The following CYLC1 variants were observed in gnomAD, a reference collection of about 807,000 sequenced individuals.
CYLC1 encodes cylicin-1.
CYLC1 carries 2 observed loss-of-function variants against 31.6 expected under a neutral mutation model. The ratio of observed to expected loss-of-function variants is 0.06; its 90% CI spans 0.03 to 0.20. The LOEUF is 0.20. Among genes scored for constraint, CYLC1 ranks in the 10% least tolerant of loss-of-function variants. CYLC1 has a pLI of 1.00. For missense variants in CYLC1, 595 were observed against 424.1 expected (o/e 1.40, Z -3.54); for synonymous variants, 185 against 153.0 (o/e 1.21, Z -1.54).
rs745723816 is a variant in CYLC1 at position 83,873,755 on chromosome X, G to A, written c.1047G>A (p.Lys349=). 1 of 1,188,401 alleles carries A rather than the reference G, an allele frequency of 8.4e-7. No homozygotes were observed. The highest frequency in any genetic ancestry group is 1.1e-6 in the Non-Finnish European group (1 of 882,590). The change falls in exon 4 of 5, where the codon AAG becomes AAA. Residue 349 remains lysine (K), a synonymous_variant. Transcript: ENST00000329312. The part of the protein sequence containing the change: ...DSKDERKDTK[K]DKKKLKKDDK... ...AGGATGAAAGGAAAGATACAAAGAA[G>A]GATAAGAAAAAATTAAAGAAAGATG...
intron 4 of CYLC1, among the ~76,000 whole-genome samples, chrX:83,881,727 A>ATTT (rs10639059): frequency 9.0e-4 from 86 of 95,898 alleles, no homozygotes; most frequent in Non-Finnish European, 1.1e-3. Context: ...TCATTACCTG[A>ATTT]TTTTTTTTTT....
At chrX:83,872,746 C>T (rs774080713) in intron 3 of CYLC1, 140 bp from the exon 4 acceptor site, 3 of 459,117 alleles carry the variant, frequency 6.5e-6, no homozygotes, top group Non-Finnish European at 1.0e-5. Flanking sequence ...CACACACACA[C>T]ACACACACAG....
At chrX:83,864,524 T>G (rs1265761578) in intron 1 of CYLC1, among the ~76,000 whole-genome samples, 3 of 111,209 alleles carry the variant, frequency 2.7e-5, no homozygotes, top group Non-Finnish European at 5.7e-5. Context: ...ATATTATCTC[T>G]ACTTCCTTTT....
intron 4 of CYLC1, among the ~76,000 whole-genome samples, chrX:83,881,182 T>C (rs1461159977): frequency 9.0e-6 from 1 of 111,015 alleles, no homozygotes; most frequent in Admixed American, 9.7e-5. Flanking sequence ...TGGAAAGCAC[T>C]TCAAGGAAGT....
intron 2 of CYLC1, among the ~76,000 whole-genome samples, chrX:83,870,761 T>C (rs1327874898): frequency 9.0e-6 from 1 of 111,219 alleles, no homozygotes; most frequent in East Asian, 2.8e-4. Context: ...AGTCTCTCCA[T>C]CTCCAAGAGA....
rs749365854 is a variant in CYLC1, at chrX:83,873,627, A to C, written c.919A>C (p.Lys307Gln). 3 of 1,194,851 alleles carry C rather than the reference A, an allele frequency of 2.5e-6. No homozygotes were observed. The highest frequency in any genetic ancestry group is 2.3e-6 in the Non-Finnish European group (2 of 888,357). ...DAESEDSKDA[K>Q]KDSKKVKKNV... ...TGAATCTGAAGACTCAAAGGATGCT[A>C]AGAAAGATTCAAAGAAAGTTAAGAA... Residue 307 changes from lysine (K) to glutamine (Q), a missense_variant, in exon 4 of 5, where the codon AAG becomes CAG. Lys to Gln is a moderately conservative substitution (Grantham distance 53). Transcript: ENST00000329312.
Position 83,874,299 on chromosome X carries a change from G to T in CYLC1, c.1591G>T (p.Gly531Cys), listed in dbSNP as rs374534364. Residue 531 changes from glycine (G) to cysteine (C), a missense_variant, in exon 4 of 5, where the codon GGC (glycine) becomes TGC (cysteine). Coordinates refer to ENST00000329312, the MANE Select transcript of CYLC1 (RefSeq NM_021118.3). ...DAEFDESSKTGFKTSTKIKGS... is the reference protein window; with the variant it reads ...DAEFDESSKTCFKTSTKIKGS... Reference sequence around the variant, plus strand: ...TGAATTTGATGAATCTTCCAAGACAGGCTTTAAAACATCTACAAAAATCAA... The same window carrying T: ...TGAATTTGATGAATCTTCCAAGACATGCTTTAAAACATCTACAAAAATCAA... The T allele has an allele frequency of 1.3e-4, 154 of 1,207,673 alleles. No individual in the cohort carries two copies. The highest frequency in any genetic ancestry group is 1.7e-4 in the Non-Finnish European group (151 of 894,252).
At chrX:83,871,087 G>GAAAAAAAAAAA (rs146040502) in intron 2 of CYLC1, among the ~76,000 whole-genome samples, 1 of 104,881 alleles carries the variant, frequency 9.5e-6, no homozygotes. Flanking sequence ...GTGACATAAA[G>GAAAAAAAAAAA]AAAAAAAAAC....
In CYLC1 at chrX:83,874,776, A is replaced by G. The variant is rs187927502; in HGVS notation, c.1923+145A>G. On this transcript the variant is annotated intron_variant, in intron 4 of 4. Transcript: ENST00000329312. ...TGTGACTCGAAGGTAAGAAAAATAAAGAATACCTCACAAGGATGCAAAATA... is the reference window on the plus strand; with the variant it reads ...TGTGACTCGAAGGTAAGAAAAATAAGGAATACCTCACAAGGATGCAAAATA... 435 of 623,907 alleles carry G rather than the reference A, an allele frequency of 7.0e-4. 2 individuals are homozygous for G. The African/African-American group carries it at 9.3e-3, about 13-fold the overall frequency. The allele number at this position is 623,907 out of a possible 1,213,427, so 51.4% of individuals were successfully genotyped here.
intron 1 of CYLC1, among the ~76,000 whole-genome samples, chrX:83,868,330 A>G (rs2031618432): frequency 9.0e-6 from 1 of 111,188 alleles, no homozygotes; most frequent in Non-Finnish European, 1.9e-5. Context: ...ATTTTCTTCT[A>G]TTTAGTTATT....
intron 4 of CYLC1, among the ~76,000 whole-genome samples, chrX:83,882,702 T>C (rs1238099963): frequency 9.0e-6 from 1 of 110,858 alleles, no homozygotes; most frequent in Non-Finnish European, 1.9e-5. Flanking sequence ...ACCTCAACTC[T>C]TCTCTATATA....
At chrX:83,876,504 G>A (rs994937729) in intron 4 of CYLC1, among the ~76,000 whole-genome samples, 1 of 111,172 alleles carries the variant, frequency 9.0e-6, no homozygotes, top group African/African-American at 3.3e-5. Context: ...TTCAGGGTAT[G>A]TTCTAGGCTT....
rs746283572 is a variant in CYLC1, at chrX:83,874,201, A to G, written c.1493A>G (p.His498Arg). Residue 498 changes from histidine (H) to arginine (R), a missense_variant, in exon 4 of 5, where the codon CAC becomes CGC. His to Arg is a conservative substitution (Grantham distance 29). Coordinates refer to ENST00000329312, the MANE Select transcript of CYLC1 (RefSeq NM_021118.3). ...SDLELKKDKK[H>R]SKEKKGSKKD... Reference sequence around the variant, plus strand: ...TTGGAGTTAAAGAAGGACAAGAAACACTCAAAGGAAAAGAAAGGTTCAAAG... The same window carrying G: ...TTGGAGTTAAAGAAGGACAAGAAACGCTCAAAGGAAAAGAAAGGTTCAAAG... 1 of 1,205,700 alleles carries G rather than the reference A, an allele frequency of 8.3e-7. No homozygotes were observed. Among genetic ancestry groups the G allele is most frequent in the South Asian group, 1.8e-5 (1 of 56,307 alleles).
chrX:83,865,898 T>C (rs910508811), intron 1 of CYLC1, among the ~76,000 whole-genome samples: 7 of 111,627 alleles, frequency 6.3e-5, no homozygotes, highest in Non-Finnish European at 1.3e-4. Flanking sequence ...GAAAATTGTA[T>C]CTTTAGGGTA....
chrX:83,868,369 A>G (rs1379960717), intron 1 of CYLC1, among the ~76,000 whole-genome samples: 2 of 111,045 alleles, frequency 1.8e-5, no homozygotes, highest in East Asian at 5.7e-4. Context: ...TTAGAGGAGG[A>G]AAAACTGGTA....
intron 4 of CYLC1, among the ~76,000 whole-genome samples, chrX:83,880,372 T>A (rs2147786526): frequency 8.9e-6 from 1 of 111,895 alleles, no homozygotes; most frequent in Non-Finnish European, 1.9e-5. Context: ...AATTGAGCAT[T>A]GTGACAATCA....
chrX:83,879,505 T>G (rs1299867653), intron 4 of CYLC1, among the ~76,000 whole-genome samples: 1 of 112,258 alleles, frequency 8.9e-6, no homozygotes, highest in African/African-American at 3.2e-5. Flanking sequence ...TTATTGTTCT[T>G]ATTTCCAACT....
intron 4 of CYLC1, among the ~76,000 whole-genome samples, chrX:83,881,886 C>T (rs1308982356): frequency 1.8e-5 from 2 of 109,797 alleles, no homozygotes; most frequent in Non-Finnish European, 3.8e-5. Flanking sequence ...TTAGTAGAGA[C>T]GGGATTTCAC....
chrX:83,866,378 C>T (rs1458913381), intron 1 of CYLC1, among the ~76,000 whole-genome samples: 1 of 111,418 alleles, frequency 9.0e-6, no homozygotes, highest in African/African-American at 3.3e-5. Context: ...ACTACCTTGG[C>T]CCATGGCTCC....
Sources: allele counts gnomAD v4.1 joint callset (sites outside exome capture counted in the v4.1 genomes callset), GRCh38; gene constraint gnomAD v4.1.1; transcripts MANE v1.5; gene names NCBI Gene and HGNC (gene_info 2026-07-23, HGNC 2026-07-21).